The following TBC1D31 variants were observed in gnomAD, a reference collection of about 807,000 sequenced individuals.
TBC1D31 encodes WD repeat domain 67.
TBC1D31 carries 99 observed loss-of-function variants against 132.9 expected under a neutral mutation model. The observed-to-expected ratio is 0.74, with a 90% CI of 0.63 to 0.88. The LOEUF (loss-of-function observed/expected upper bound fraction) is 0.88, where lower values mean the gene tolerates loss of function less well. TBC1D31 is among the 40% of genes least tolerant of loss of function. The pLI is 0.00. For synonymous variants in TBC1D31, 385 were observed against 419.4 expected (o/e 0.92, Z 1.00); for missense variants, 1,134 against 1,256.6 (o/e 0.90, Z 1.48).
chr8:123,122,377 A>G (rs1451001735), intron 11 of TBC1D31, among the ~76,000 whole-genome samples: 2 of 152,248 alleles, frequency 1.3e-5, no homozygotes. Context: ...GTCCTGCCAC[A>G]TGCTAGCTAC....
chr8:123,126,448 C>A, intron 12 of TBC1D31, 60 bp from the exon 13 acceptor site: 1 of 1,446,236 alleles, frequency 6.9e-7, no homozygotes, highest in Non-Finnish European at 9.5e-7. Flanking sequence ...GGAATATTAC[C>A]AATGACTCCC....
At chr8:123,123,872 A>AT (rs569999778) in intron 11 of TBC1D31, among the ~76,000 whole-genome samples, 26 of 152,268 alleles carry the variant, frequency 1.7e-4, no homozygotes, top group African/African-American at 6.0e-4. Flanking sequence ...TCCTGGTGAT[A>AT]TTTTCAATAG....
the TBC1D31 span, among the ~76,000 whole-genome samples, chr8:123,157,859 G>A: frequency 6.6e-6 from 1 of 152,150 alleles, no homozygotes; most frequent in Non-Finnish European, 1.5e-5. Flanking sequence ...CTTCGTAGGG[G>A]CTGCCGGGCT....
intron 10 of TBC1D31, among the ~76,000 whole-genome samples, chr8:123,116,986 A>G (rs1372622550): frequency 1.3e-5 from 2 of 152,224 alleles, no homozygotes; most frequent in African/African-American, 4.8e-5. Context: ...GTTGGAGGCA[A>G]GATCCACCAA....
the TBC1D31 span, among the ~76,000 whole-genome samples, chr8:123,163,387 TAG>T: frequency 1.1e-5 from 1 of 92,842 alleles, no homozygotes; most frequent in African/African-American, 4.3e-5. Context: ...TTTTTTGAGA[TAG>T]AGTCTTGCTC....
chr8:123,104,051 T>C (rs982886959), intron 7 of TBC1D31: 26 of 152,200 alleles, frequency 1.7e-4, no homozygotes, highest in African/African-American at 6.3e-4. Context: ...TCTTAAGTGT[T>C]GAAGGTTTAA....
intron 16 of TBC1D31, among the ~76,000 whole-genome samples, chr8:123,132,519 T>A (rs989952556): frequency 1.4e-5 from 2 of 138,232 alleles, no homozygotes; most frequent in African/African-American, 2.7e-5. Flanking sequence ...ATTCAAGCAA[T>A]TCTCATGCCT....
chr8:123,081,076 CT>C (rs1385103402), intron 2 of TBC1D31, among the ~76,000 whole-genome samples: 2 of 152,184 alleles, frequency 1.3e-5, no homozygotes, highest in East Asian at 3.8e-4. Context: ...TCTCATTTTA[CT>C]GAAACAGTAA....
At chr8:123,119,535 A>G (rs1586668620) in intron 10 of TBC1D31, among the ~76,000 whole-genome samples, 1 of 152,036 alleles carries the variant, frequency 6.6e-6, no homozygotes, top group South Asian at 2.1e-4. Context: ...ATATAGTGAG[A>G]CCCTGTCTCT....
intron 7 of TBC1D31, among the ~76,000 whole-genome samples, chr8:123,101,587 G>A (rs2130379724): frequency 6.6e-6 from 1 of 152,082 alleles, no homozygotes; most frequent in South Asian, 2.1e-4. Context: ...GCTAATTTTT[G>A]TATTTTTAGT....
chr8:123,077,996 C>T (rs1023491904), intron 2 of TBC1D31, among the ~76,000 whole-genome samples: 1 of 151,572 alleles, frequency 6.6e-6, no homozygotes. Flanking sequence ...TTCAGTGAGC[C>T]GAGATCGTGC....
intron 17 of TBC1D31, among the ~76,000 whole-genome samples, chr8:123,136,605 C>T (rs767585427): frequency 2.6e-5 from 4 of 152,102 alleles, no homozygotes; most frequent in East Asian, 1.9e-4. Context: ...TGCCCACCAC[C>T]GCACCTGGCT....
At chr8:123,162,649 A>G in the TBC1D31 span, among the ~76,000 whole-genome samples, 1 of 152,152 alleles carries the variant, frequency 6.6e-6, no homozygotes, top group African/African-American at 2.4e-5. Flanking sequence ...AGCAGGAAAG[A>G]GGGGCCTGTT....
In TBC1D31 at chr8:123,100,854, G is replaced by C; in HGVS notation, c.879G>C (p.Met293Ile). Reference sequence around the variant, plus strand: ...ATGGTATTATGAGATTTATCAATATGCAGACTTGTAAACTTCTCTTTGAGA... The same window carrying C: ...ATGGTATTATGAGATTTATCAATATCCAGACTTGTAAACTTCTCTTTGAGA... ...SQDGIMRFIN[M>I]QTCKLLFEIG... The change falls in exon 7 of 22, where the codon ATG (methionine) becomes ATC (isoleucine). Residue 293 changes from methionine to isoleucine, a missense_variant. Coordinates refer to ENST00000287380, the MANE Select transcript of TBC1D31 (RefSeq NM_145647.4). 6.2e-7 allele frequency: 1 copy of C among 1,613,826 alleles called. No individual in the cohort carries two copies. Among genetic ancestry groups the C allele is most frequent in the Non-Finnish European group, 8.5e-7 (1 of 1,179,848 alleles).
downstream of TBC1D31, among the ~76,000 whole-genome samples, chr8:123,152,407 G>A (rs1414169952): frequency 6.6e-6 from 1 of 152,106 alleles, no homozygotes; most frequent in African/African-American, 2.4e-5. Context: ...CACCGGACTT[G>A]TAACATCTCA....
intron 10 of TBC1D31, among the ~76,000 whole-genome samples, chr8:123,115,830 A>T: frequency 6.6e-6 from 1 of 152,168 alleles, no homozygotes; most frequent in East Asian, 1.9e-4. Flanking sequence ...ATTAGATTGG[A>T]CCTACCCAGG....
chr8:123,133,777 A>G (rs1180650786), intron 16 of TBC1D31, among the ~76,000 whole-genome samples: 2 of 152,186 alleles, frequency 1.3e-5, no homozygotes, highest in African/African-American at 4.8e-5. Context: ...TAAATGTTAT[A>G]TTTTTATCTA....
rs140789122 is a variant in TBC1D31 at position 123,107,609 on chromosome 8, A to G, written c.1210-1708A>G. Among the ~76,000 whole-genome samples the G allele has an allele frequency of 5.4e-4, 83 of 152,364 alleles. 1 individual carries two copies. The East Asian group carries it at 0.012, about 22-fold the overall frequency. Reference sequence around the variant, plus strand: ...GGTATCTCTGAGATGTTCTGGCTTCAGAGTTTGCAGGACCTTTTCTGGGAA... The same window carrying G: ...GGTATCTCTGAGATGTTCTGGCTTCGGAGTTTGCAGGACCTTTTCTGGGAA... On this transcript the variant is annotated intron_variant, in intron 8 of 21. Transcript: ENST00000287380.
Position 123,084,287 on chromosome 8 carries a change from A to ACCC in TBC1D31, c.468_469insCCC (p.Thr156_Phe157insPro). 6.2e-7 allele frequency: 1 copy of ACCC among 1,614,210 alleles called. No individual in the cohort carries two copies. Among genetic ancestry groups the ACCC allele is most frequent in the Non-Finnish European group, 8.5e-7 (1 of 1,180,034 alleles). On this transcript the variant is annotated inframe_insertion, in exon 4 of 22. Transcript: ENST00000287380. ...TACAGCACAATTATGGGACTTGGATACCTTTCAGAGAAAAAGAAAGCTGAA... is the reference window on the plus strand; with the variant it reads ...TACAGCACAATTATGGGACTTGGATACCCCCTTTCAGAGAAAAAGAAAGCTGAA...
Sources: gnomAD v4.1 joint callset for allele counts (sites outside exome capture counted in the v4.1 genomes callset) on GRCh38, gnomAD v4.1.1 for gene constraint, MANE v1.5 for transcripts, NCBI Gene and HGNC (gene_info 2026-07-23, HGNC 2026-07-21) for gene names.